The following CNTLN variants were observed in gnomAD, a reference collection of about 807,000 sequenced individuals.
The protein encoded by CNTLN is centlein, centrosomal protein.
Under a neutral mutation model 180.0 loss-of-function variants are expected in CNTLN, and 212 were observed. The observed-to-expected ratio is 1.18, with a 90% CI of 1.05 to 1.32. The LOEUF is 1.32. Among genes scored for constraint, CNTLN ranks in the 40% most tolerant of loss-of-function variants. The probability of loss-of-function intolerance (pLI) is 0.00; values close to 1 mark genes in which losing one functional copy is unlikely to be tolerated. For missense variants in CNTLN, 2,095 were observed against 1,610.9 expected (o/e 1.30, Z -5.14); for synonymous variants, 722 against 563.1 (o/e 1.28, Z -3.99).
chr9:17,356,983 T>A (rs1242781336), intron 12 of CNTLN, among the ~76,000 whole-genome samples: 1 of 151,782 alleles, frequency 6.6e-6, no homozygotes, highest in Non-Finnish European at 1.5e-5. Context: ...GTATTATGAG[T>A]GTGTGTGTGT....
At chr9:17,462,780 T>C (rs747516824) in intron 19 of CNTLN, 136 bp from the exon 20 acceptor site, 1 of 406,290 alleles carries the variant, frequency 2.5e-6, no homozygotes, top group Non-Finnish European at 4.4e-6. Flanking sequence ...GCATTTAAAA[T>C]ATTAAAATAT....
At chr9:17,222,592 C>T (rs1824212799) in intron 2 of CNTLN, among the ~76,000 whole-genome samples, 1 of 152,036 alleles carries the variant, frequency 6.6e-6, no homozygotes, top group Non-Finnish European at 1.5e-5. Flanking sequence ...CACCTCCTGC[C>T]ATGATTCTGA....
At chr9:17,412,954 T>C (rs1304048275) in intron 16 of CNTLN, among the ~76,000 whole-genome samples, 2 of 152,118 alleles carry the variant, frequency 1.3e-5, no homozygotes, top group African/African-American at 4.8e-5. Flanking sequence ...GATATAAAAG[T>C]ACCCAGATCT....
chr9:17,170,935 C>G (rs942420049), intron 2 of CNTLN, among the ~76,000 whole-genome samples: 1 of 152,058 alleles, frequency 6.6e-6, no homozygotes, highest in African/African-American at 2.4e-5. Context: ...GTATTCAGTA[C>G]AGTAACATGC....
chr9:17,192,657 A>C (rs1432930263), intron 2 of CNTLN, among the ~76,000 whole-genome samples: 2 of 152,342 alleles, frequency 1.3e-5, no homozygotes, highest in South Asian at 4.1e-4. Context: ...GAAATCTTGC[A>C]GTATGGTTCC....
At chr9:17,511,938 C>T in the CNTLN span, among the ~76,000 whole-genome samples, 1 of 152,112 alleles carries the variant, frequency 6.6e-6, no homozygotes, top group Admixed American at 6.6e-5. Context: ...AAAATTACAA[C>T]TACTTCTTGG....
At chr9:17,364,570 G>A (rs966100622) in intron 12 of CNTLN, among the ~76,000 whole-genome samples, 3 of 152,188 alleles carry the variant, frequency 2.0e-5, no homozygotes, top group East Asian at 1.9e-4. Context: ...AATGGTGAAA[G>A]TAATTTTGAT....
At chr9:17,452,920 A>G (rs185615637) in intron 18 of CNTLN, among the ~76,000 whole-genome samples, 1 of 152,190 alleles carries the variant, frequency 6.6e-6, no homozygotes, top group East Asian at 1.9e-4. Flanking sequence ...TTTGCTTGTC[A>G]GTTAAACTAC....
chr9:17,388,420 T>A (rs1363679362), intron 14 of CNTLN, among the ~76,000 whole-genome samples, 167 bp downstream of exon 14: 1 of 152,094 alleles, frequency 6.6e-6, no homozygotes, highest in African/African-American at 2.4e-5. Flanking sequence ...AAAAAATCAA[T>A]GTTAGTGAAA....
chr9:17,171,454 G>A (rs1259124978), intron 2 of CNTLN, among the ~76,000 whole-genome samples: 2 of 152,170 alleles, frequency 1.3e-5, no homozygotes, highest in African/African-American at 2.4e-5. Flanking sequence ...GATTGTAGGA[G>A]TCCTCAGCAG....
At chr9:17,514,956 C>G in the CNTLN span, among the ~76,000 whole-genome samples, 48,840 of 152,066 alleles carry the variant, frequency 0.32, 11,333 homozygotes, top group African/African-American at 0.66. Context: ...GAAAAGAAAA[C>G]TAGAAGGAAC....
intron 18 of CNTLN, among the ~76,000 whole-genome samples, chr9:17,426,598 C>CT (rs1354469058): frequency 1.3e-5 from 2 of 151,610 alleles, no homozygotes; most frequent in African/African-American, 2.4e-5. Flanking sequence ...TTATTAGAAT[C>CT]TTTTTTATGA....
intron 5 of CNTLN, among the ~76,000 whole-genome samples, chr9:17,272,374 C>CA (rs1828015825): frequency 4.6e-5 from 7 of 152,106 alleles, no homozygotes; most frequent in Admixed American, 4.6e-4. Context: ...TGCGCCTGGC[C>CA]AGATAATGTT....
At chr9:17,341,837 G>C (rs1193401401) in intron 11 of CNTLN, among the ~76,000 whole-genome samples, 1 of 152,134 alleles carries the variant, frequency 6.6e-6, no homozygotes, top group East Asian at 1.9e-4. Context: ...TGATAAAGCA[G>C]TTTGTCCTAG....
chr9:17,367,684 A>G (rs891631974), intron 13 of CNTLN, among the ~76,000 whole-genome samples: 1 of 152,012 alleles, frequency 6.6e-6, no homozygotes, highest in African/African-American at 2.4e-5. Flanking sequence ...CGCTAGTTAG[A>G]TTTATGAGAC....
At chr9:17,397,179 T>C (rs1292511933) in intron 15 of CNTLN, among the ~76,000 whole-genome samples, 2 of 152,134 alleles carry the variant, frequency 1.3e-5, no homozygotes, top group Admixed American at 6.5e-5. Flanking sequence ...TTTATCATAT[T>C]AGTGTTTCCA....
chr9:17,408,814 A>AAC (rs1293658513), intron 15 of CNTLN, among the ~76,000 whole-genome samples: 1 of 150,784 alleles, frequency 6.6e-6, no homozygotes, highest in East Asian at 1.9e-4. Context: ...AAAAAAAAAA[A>AAC]GTGCCTGGGC....
intron 8 of CNTLN, among the ~76,000 whole-genome samples, chr9:17,310,294 A>G (rs971005795): frequency 7.9e-5 from 12 of 152,148 alleles, no homozygotes; most frequent in African/African-American, 2.9e-4. Flanking sequence ...ATGAGGAAAC[A>G]GTTTATTGTT....
chr9:17,258,272 A>C (rs369464508), intron 5 of CNTLN, among the ~76,000 whole-genome samples: 2 of 146,564 alleles, frequency 1.4e-5, no homozygotes, highest in East Asian at 4.0e-4. Context: ...AGGTTTGTCA[A>C]AGATCAGATA....
Sources: allele counts gnomAD v4.1 joint callset (sites outside exome capture counted in the v4.1 genomes callset), GRCh38; gene constraint gnomAD v4.1.1; transcripts MANE v1.5; gene names NCBI Gene and HGNC (gene_info 2026-07-23, HGNC 2026-07-21).